Variants in TLN2 observed in about 807,000 individuals in gnomAD.
TLN2 encodes talin 2.
A neutral mutation model predicts 294.7 loss-of-function variants in TLN2; 118 were observed. The ratio of observed to expected loss-of-function variants is 0.40; its 90% CI spans 0.34 to 0.47. The LOEUF is 0.47. Ranked by LOEUF, TLN2 falls within the 20% of genes least tolerant of loss-of-function variation. TLN2 has a pLI of 0.84. For missense variants in TLN2, 3,083 were observed against 3,282.2 expected, an observed-to-expected ratio of 0.94 and a Z score of 1.48; for synonymous variants, 1,431 against 1,304.5, an observed-to-expected ratio of 1.10 and a Z score of -2.09.
At chr15:62,515,034 C>T (rs566568157) in intron 1 of TLN2, among the ~76,000 whole-genome samples, 9 of 152,284 alleles carry the variant, frequency 5.9e-5, no homozygotes, top group African/African-American at 2.2e-4. Context: ...TTGGAACTCC[C>T]TACACACTCT....
At chr15:62,734,542 C>G (rs1029350056) in intron 28 of TLN2, among the ~76,000 whole-genome samples, 8 of 152,194 alleles carry the variant, frequency 5.3e-5, no homozygotes, top group African/African-American at 1.9e-4. Flanking sequence ...AAAGCTTAAG[C>G]GTAAAATGGA....
chr15:62,735,346 G>A (rs933442536), intron 28 of TLN2, among the ~76,000 whole-genome samples: 10 of 152,162 alleles, frequency 6.6e-5, no homozygotes, highest in African/African-American at 2.2e-4. Context: ...CGCATGAGGT[G>A]GTGCTACAGC....
At chr15:62,632,057 T>G (rs111521826) in intron 3 of TLN2, among the ~76,000 whole-genome samples, 13 of 152,262 alleles carry the variant, frequency 8.5e-5, no homozygotes, top group African/African-American at 2.9e-4. Flanking sequence ...TGGGCACTAG[T>G]TAGAAGTTAT....
intron 3 of TLN2, among the ~76,000 whole-genome samples, chr15:62,632,769 T>C (rs190286191): frequency 2.0e-5 from 3 of 152,320 alleles, no homozygotes; most frequent in Admixed American, 2.0e-4. Context: ...GTGTCCTAGA[T>C]ATTTATGTCT....
intron 1 of TLN2, among the ~76,000 whole-genome samples, chr15:62,463,290 C>G (rs1420788639): frequency 6.6e-6 from 1 of 152,194 alleles, no homozygotes; most frequent in Non-Finnish European, 1.5e-5. Context: ...ATCTCTTCCT[C>G]CCTTCAAAAG....
intron 34 of TLN2, among the ~76,000 whole-genome samples, chr15:62,751,528 A>G (rs913624877): frequency 1.3e-5 from 2 of 152,226 alleles, no homozygotes; most frequent in African/African-American, 4.8e-5. Context: ...CCCTTCCAAG[A>G]TGGCTTATTG....
chr15:62,638,725 C>G (rs1181126184), intron 3 of TLN2: 2 of 424,852 alleles, frequency 4.7e-6, no homozygotes, highest in Non-Finnish European at 9.3e-6. Context: ...TGACTTCTCC[C>G]CACCCCATTC....
intron 1 of TLN2, among the ~76,000 whole-genome samples, chr15:62,553,261 C>T (rs866313869): frequency 7.9e-5 from 12 of 152,166 alleles, no homozygotes; most frequent in Middle Eastern, 3.4e-3. Context: ...TTTGGGAGGC[C>T]GAGGCAGATG....
At chr15:62,509,231 A>G (rs1369348026) in intron 1 of TLN2, among the ~76,000 whole-genome samples, 2 of 152,064 alleles carry the variant, frequency 1.3e-5, no homozygotes, top group Non-Finnish European at 2.9e-5. Context: ...TGGACTAGCT[A>G]CTTCATAAAA....
chr15:62,673,461 T>G (rs1396509398), intron 9 of TLN2, among the ~76,000 whole-genome samples: 2 of 151,820 alleles, frequency 1.3e-5, no homozygotes, highest in Admixed American at 6.6e-5. Flanking sequence ...AGGTTTATCT[T>G]TGTATTATTT....
At chr15:62,420,368 G>A (rs550223681) in intron 1 of TLN2, among the ~76,000 whole-genome samples, 31 of 152,032 alleles carry the variant, frequency 2.0e-4, no homozygotes, top group Middle Eastern at 3.4e-3. Context: ...AAACATTCTT[G>A]GAGCACCCCT....
intron 1 of TLN2, among the ~76,000 whole-genome samples, chr15:62,575,104 G>C (rs1028192170): frequency 6.6e-6 from 1 of 152,162 alleles, no homozygotes; most frequent in Non-Finnish European, 1.5e-5. Flanking sequence ...CTTGAGCCCA[G>C]GAGTTCAAGA....
intron 1 of TLN2, among the ~76,000 whole-genome samples, chr15:62,528,447 A>T (rs928913754): frequency 6.6e-6 from 1 of 152,140 alleles, no homozygotes; most frequent in Non-Finnish European, 1.5e-5. Context: ...GATGGACCAC[A>T]CTGCTTGTAT....
intron 1 of TLN2, among the ~76,000 whole-genome samples, chr15:62,567,526 G>C (rs1252724804): frequency 6.6e-6 from 1 of 152,170 alleles, no homozygotes; most frequent in East Asian, 1.9e-4. Flanking sequence ...CAAGGCGATG[G>C]CATTGCTGAG....
intron 1 of TLN2, among the ~76,000 whole-genome samples, chr15:62,495,796 G>A (rs577503226): frequency 6.6e-6 from 1 of 152,188 alleles, no homozygotes; most frequent in African/African-American, 2.4e-5. Context: ...TTTTATTAAC[G>A]AAATTGTACT....
intron 1 of TLN2, among the ~76,000 whole-genome samples, chr15:62,427,658 C>G (rs375921466): frequency 1.3e-5 from 2 of 152,156 alleles, no homozygotes; most frequent in Non-Finnish European, 2.9e-5. Flanking sequence ...GCCCTCCAGA[C>G]GATGCCCTTG....
intron 1 of TLN2, among the ~76,000 whole-genome samples, chr15:62,410,691 C>T (rs1392091603): frequency 6.6e-6 from 1 of 152,226 alleles, no homozygotes; most frequent in Admixed American, 6.5e-5. Context: ...ATCCATTACT[C>T]TTAGTCATTT....
chr15:62,582,774 T>C (rs935035545), intron 1 of TLN2, among the ~76,000 whole-genome samples: 5 of 152,150 alleles, frequency 3.3e-5, no homozygotes, highest in Non-Finnish European at 7.3e-5. Flanking sequence ...CCAGTGACTG[T>C]GTTACCTGAT....
At chr15:62,607,817 A>C (rs1262542261) in intron 2 of TLN2, among the ~76,000 whole-genome samples, 1 of 152,138 alleles carries the variant, frequency 6.6e-6, no homozygotes, top group Non-Finnish European at 1.5e-5. Context: ...TCCACATGCC[A>C]TGGGGAGTGC....
Sources: allele counts gnomAD v4.1 joint callset (sites outside exome capture counted in the v4.1 genomes callset), GRCh38; gene constraint gnomAD v4.1.1; transcripts MANE v1.5; gene names NCBI Gene and HGNC (gene_info 2026-07-23, HGNC 2026-07-21).